GRIA4: variants seen among roughly 807,000 people sequenced by gnomAD.
GRIA4 encodes the protein glutamate ionotropic receptor AMPA type subunit 4, also known as glutamate receptor 4.
GRIA4 carries 34 observed loss-of-function variants against 104.0 expected under a neutral mutation model. That is an observed-to-expected ratio of 0.33 (90% CI 0.25 to 0.44). The LOEUF (loss-of-function observed/expected upper bound fraction) is 0.44. Ranked by LOEUF, GRIA4 falls within the 20% of genes least tolerant of loss-of-function variation. The pLI, the probability that GRIA4 is intolerant of heterozygous loss-of-function variation, is 1.00. For synonymous variants in GRIA4, 386 were observed against 381.9 expected (o/e 1.01, Z -0.13); for missense variants, 750 against 1,096.5 (o/e 0.68, Z 4.46).
intron 3 of GRIA4, among the ~76,000 whole-genome samples, chr11:105,682,075 A>G (rs1029633006): frequency 1.3e-5 from 2 of 151,884 alleles, no homozygotes; most frequent in African/African-American, 4.8e-5. Context: ...AATTTCATTG[A>G]TTTCTGTTTT....
intron 3 of GRIA4, among the ~76,000 whole-genome samples, chr11:105,752,188 C>CT (rs1217541182): frequency 1.3e-5 from 2 of 152,048 alleles, no homozygotes; most frequent in Non-Finnish European, 2.9e-5. Flanking sequence ...TTTGTAGCAA[C>CT]TGGGAGCATG....
chr11:105,819,096 T>C (rs933213223), intron 4 of GRIA4, among the ~76,000 whole-genome samples: 1 of 152,122 alleles, frequency 6.6e-6, no homozygotes, highest in Non-Finnish European at 1.5e-5. Flanking sequence ...TTTTAGTATA[T>C]AATTTGTCCT....
chr11:105,824,581 C>T (rs1438422098), intron 4 of GRIA4: 1 of 152,010 alleles, frequency 6.6e-6, no homozygotes, highest in East Asian at 1.9e-4. Flanking sequence ...TATATTTGTA[C>T]CATATGTTGT....
At chr11:105,667,810 A>G (rs550133454) in intron 3 of GRIA4, among the ~76,000 whole-genome samples, 2 of 152,144 alleles carry the variant, frequency 1.3e-5, no homozygotes, top group South Asian at 4.1e-4. Flanking sequence ...TATTTCTCAT[A>G]GTTGTCATTT....
chr11:105,764,160 C>T (rs765906284), intron 4 of GRIA4, among the ~76,000 whole-genome samples: 14 of 151,938 alleles, frequency 9.2e-5, no homozygotes, highest in East Asian at 5.8e-4. Context: ...TTTTTTGAGA[C>T]GGAGTCTCAC....
intron 4 of GRIA4, among the ~76,000 whole-genome samples, chr11:105,760,715 G>A (rs1016107991): frequency 4.0e-5 from 6 of 151,762 alleles, no homozygotes; most frequent in African/African-American, 1.5e-4. Flanking sequence ...ATGATTCTAA[G>A]GCCTATTCAT....
intron 14 of GRIA4, among the ~76,000 whole-genome samples, chr11:105,967,662 C>A (rs1023136636): frequency 1.4e-5 from 2 of 147,360 alleles, no homozygotes; most frequent in African/African-American, 2.5e-5. Flanking sequence ...AAATGAAATA[C>A]ATTATGTTTT....
At position 105,666,250 on chromosome 11, in the gene GRIA4, T is replaced by TAATAA. The variant is rs1952161262; in HGVS notation, c.247+53816_247+53817insAATAA. On this transcript the variant is annotated intron_variant, in intron 3 of 16. Transcript: ENST00000282499. ...ATAAATTTCTATTGATTGTACCATA[T>TAATAA]TATTCACTAATCCTTTCATTCAAAC... Among the ~76,000 whole-genome samples the TAATAA allele has an allele frequency of 7.2e-5, 11 of 152,146 alleles. No homozygotes were observed. The South Asian group carries it at 1.9e-3, about 26-fold the overall frequency.
At chr11:105,926,106 A>G (rs1236780706) in intron 12 of GRIA4, among the ~76,000 whole-genome samples, 1 of 152,074 alleles carries the variant, frequency 6.6e-6, no homozygotes, top group Non-Finnish European at 1.5e-5. Flanking sequence ...TATCAAGCAA[A>G]CAAACAAAAA....
chr11:105,924,447 G>C lies in GRIA4; in HGVS notation c.1525G>C (p.Glu509Gln). 1 of 1,609,976 alleles carries C rather than the reference G, an allele frequency of 6.2e-7. No individual in the cohort carries two copies. The highest frequency in any genetic ancestry group is 8.5e-7 in the Non-Finnish European group (1 of 1,176,782). Residue 509 changes from glutamate (E) to glutamine (Q), a missense_variant, in exon 12 of 17, where the codon GAG becomes CAG. Around this residue, in one of 3 missense-constraint regions of GRIA4, gnomAD observed 272 missense variants for 524.5 expected, o/e 0.52. Coordinates refer to ENST00000282499, the MANE Select transcript of GRIA4 (RefSeq NM_000829.4). ...TCTGACAATCACTTTGGTACGAGAG[G>C]AGGTCATTGACTTTTCTAAGCCCTT... The part of the protein sequence containing the change: ...APLTITLVRE[E>Q]VIDFSKPFMS...
chr11:105,977,073 A>AT (rs1331070627), intron 16 of GRIA4, among the ~76,000 whole-genome samples: 1 of 152,000 alleles, frequency 6.6e-6, no homozygotes, highest in East Asian at 1.9e-4. Flanking sequence ...ACAAAAACAG[A>AT]TTTTTCTGGC....
intron 3 of GRIA4, among the ~76,000 whole-genome samples, chr11:105,627,530 T>TTCCCA (rs1366178290): frequency 6.6e-6 from 1 of 152,200 alleles, no homozygotes; most frequent in Non-Finnish European, 1.5e-5. Flanking sequence ...TGTGGTTCCT[T>TTCCCA]TCCCATATCA....
intron 4 of GRIA4, among the ~76,000 whole-genome samples, chr11:105,755,896 C>T (rs12807873): frequency 2.1e-3 from 322 of 152,304 alleles, no homozygotes; most frequent in Non-Finnish European, 3.3e-3. Flanking sequence ...CATCCATCCT[C>T]TGAATTTCAG....
chr11:105,753,069 C>T lies in GRIA4; in HGVS notation c.336C>T (p.Ala112=). ...SVHTLTSFCS[A]LHISLITPSF... ...ATACCTTGACCTCATTCTGCAGCGC[C>T]TTACATATCTCCCTCATCACACCAA... The change falls in exon 4 of 17, where the codon GCC becomes GCT. Residue 112 remains alanine, a synonymous_variant. Coordinates refer to ENST00000282499, the MANE Select transcript of GRIA4 (RefSeq NM_000829.4). 6.2e-7 allele frequency: 1 copy of T among 1,613,858 alleles called. No individual in the cohort carries two copies. Among genetic ancestry groups the T allele is most frequent in the Non-Finnish European group, 8.5e-7 (1 of 1,179,860 alleles).
chr11:105,626,876 T>C (rs531887172), intron 3 of GRIA4, among the ~76,000 whole-genome samples: 3 of 152,188 alleles, frequency 2.0e-5, no homozygotes, highest in African/African-American at 7.2e-5. Flanking sequence ...CAAAATGTAA[T>C]ACTGATTTAT....
At chr11:105,835,775 G>T (rs1591325135) in intron 4 of GRIA4, among the ~76,000 whole-genome samples, 1 of 152,036 alleles carries the variant, frequency 6.6e-6, no homozygotes, top group Non-Finnish European at 1.5e-5. Flanking sequence ...AGAGAGTGAT[G>T]TCATTAAAAT....
At chr11:105,847,871 T>C (rs1183376631) in intron 4 of GRIA4, among the ~76,000 whole-genome samples, 2 of 152,228 alleles carry the variant, frequency 1.3e-5, no homozygotes, top group Non-Finnish European at 2.9e-5. Context: ...TAGATGGCCC[T>C]ATAGAATATT....
intron 3 of GRIA4, among the ~76,000 whole-genome samples, chr11:105,728,634 CAG>C (rs1269855184): frequency 6.6e-6 from 1 of 152,044 alleles, no homozygotes. Flanking sequence ...TGCAAAATAA[CAG>C]AAATTATAAC....
chr11:105,871,440 G>GT (rs946065772), intron 5 of GRIA4, among the ~76,000 whole-genome samples: 219 of 148,670 alleles, frequency 1.5e-3, no homozygotes, highest in African/African-American at 4.6e-3. Context: ...TTAGGGAGAG[G>GT]TTTTTTTTTG....
Sources: gnomAD v4.1 joint callset for allele counts (sites outside exome capture counted in the v4.1 genomes callset) on GRCh38, gnomAD v4.1.1 for gene constraint, gnomAD v4.1.1 regional missense constraint, MANE v1.5 for transcripts, NCBI Gene and HGNC (gene_info 2026-07-23, HGNC 2026-07-21) for gene names.